Variants in P2RX5 observed in about 807,000 individuals in gnomAD.
The protein encoded by P2RX5 is P2X purinoceptor 5.
In P2RX5, 46 loss-of-function variants were observed where a neutral mutation model predicts 54.1. The observed-to-expected ratio is 0.85, with a 90% CI of 0.67 to 1.09. The LOEUF (loss-of-function observed/expected upper bound fraction) is 1.09. Ranked by LOEUF, P2RX5 falls within the 50% of genes least tolerant of loss-of-function variation. P2RX5 has a pLI of 0.00. For synonymous variants in P2RX5, 226 were observed against 226.4 expected, an observed-to-expected ratio of 1.00 and a Z score of 0.02; for missense variants, 566 against 549.8, an observed-to-expected ratio of 1.03 and a Z score of -0.29.
At chr17:3,692,212 G>C (rs1050460297) in intron 1 of P2RX5, among the ~76,000 whole-genome samples, 1 of 151,944 alleles carries the variant, frequency 6.6e-6, no homozygotes, top group Admixed American at 6.6e-5. Flanking sequence ...AGCTACTCAG[G>C]AGGCTGAGGC....
Position 3,688,000 on chromosome 17 carries a change from A to T in P2RX5, c.981+12T>A. On this transcript the variant is annotated intron_variant, in intron 9 of 11. Transcript: ENST00000225328. ...CCCCGCCCAGCCTCAGAACAGGAGA[A>T]GGCACACGCACCTTGCCGTTCACCA... is the stretch of plus-strand genomic sequence containing the variant. 7.5e-7 allele frequency: 1 copy of T among 1,339,740 alleles called. No homozygotes were observed. Among genetic ancestry groups the T allele is most frequent in the Non-Finnish European group, 1.0e-6 (1 of 961,130 alleles). 83.0% of individuals were successfully genotyped at this position (1,339,740 alleles called of 1,614,324 possible).
At chr17:3,705,133 C>T in the P2RX5 span, among the ~76,000 whole-genome samples, 3 of 152,174 alleles carry the variant, frequency 2.0e-5, no homozygotes, top group African/African-American at 7.2e-5. Flanking sequence ...CGCTGGCTTC[C>T]CCCACAGCAT....
At position 3,688,081 on chromosome 17, in the gene P2RX5, T is replaced by C; in HGVS notation, c.912A>G (p.Ala304=). 1 of 1,599,254 alleles carries C rather than the reference T, an allele frequency of 6.3e-7. No homozygotes were observed. Among genetic ancestry groups the C allele is most frequent in the Non-Finnish European group, 8.5e-7 (1 of 1,171,618 alleles). Residue 304 remains alanine, a synonymous_variant, in exon 9 of 12, where the codon GCA becomes GCG. Coordinates refer to ENST00000225328, the MANE Select transcript of P2RX5 (RefSeq NM_002561.4). ...NFRFARYYRD[A]AGVEFRTLMK... ...TCAGGGTGCGGAACTCCACCCCGGCTGCGTCTCGGTAATATCTGGCAAATC... is the reference window on the plus strand; with the variant it reads ...TCAGGGTGCGGAACTCCACCCCGGCCGCGTCTCGGTAATATCTGGCAAATC...
the P2RX5 span, among the ~76,000 whole-genome samples, chr17:3,712,353 C>T: frequency 6.6e-6 from 1 of 152,130 alleles, no homozygotes; most frequent in Non-Finnish European, 1.5e-5. Flanking sequence ...GTAACACTGG[C>T]AAGGTACGGG....
At chr17:3,685,279 A>T (rs1323023741) in intron 9 of P2RX5, among the ~76,000 whole-genome samples, 2 of 152,198 alleles carry the variant, frequency 1.3e-5, no homozygotes, top group African/African-American at 4.8e-5. Context: ...CAGAGCTACC[A>T]GCACATGCCT....
At chr17:3,680,085 T>TCCTACGTCCTCCAC (rs2050205019) in intron 10 of P2RX5, among the ~76,000 whole-genome samples, 1 of 66,256 alleles carries the variant, frequency 1.5e-5, no homozygotes, top group African/African-American at 6.1e-5. Flanking sequence ...GCTTCCTCCA[T>TCCTACGTCCTCCAC]CCTACGTCCT....
At chr17:3,681,853 C>T in intron 10 of P2RX5, 43 bp downstream of exon 10, 2 of 1,372,458 alleles carry the variant, frequency 1.5e-6, no homozygotes, top group Non-Finnish European at 1.0e-6. Context: ...GGGGGTGCTC[C>T]ACAGGGCTGC....
chr17:3,705,256 C>T, the P2RX5 span, among the ~76,000 whole-genome samples: 1 of 152,174 alleles, frequency 6.6e-6, no homozygotes, highest in African/African-American at 2.4e-5. Flanking sequence ...GTGAAACCCA[C>T]GTATCAAATA....
intron 11 of P2RX5, 152 bp downstream of exon 11, chr17:3,679,438 G>C (rs1278894766): frequency 1.0e-5 from 7 of 701,414 alleles, no homozygotes; most frequent in Non-Finnish European, 1.7e-5. Context: ...CCTTCCCACA[G>C]AGGCTCTCCC....
At chr17:3,718,072 G>C in the P2RX5 span, 1 of 152,252 alleles carries the variant, frequency 6.6e-6, no homozygotes, top group Non-Finnish European at 1.5e-5. Flanking sequence ...GAGAAGCAAG[G>C]CACCGGGTAC....
intron 1 of P2RX5, among the ~76,000 whole-genome samples, chr17:3,693,067 A>G (rs1478638315): frequency 1.3e-5 from 2 of 151,880 alleles, no homozygotes; most frequent in African/African-American, 2.4e-5. Flanking sequence ...TTATAATTTA[A>G]CAATAAAAAG....
the P2RX5 span, among the ~76,000 whole-genome samples, chr17:3,706,876 C>G: frequency 6.6e-6 from 1 of 152,222 alleles, no homozygotes; most frequent in Non-Finnish European, 1.5e-5. Context: ...TCCCAAAGTG[C>G]TGGGATTACA....
the P2RX5 span, among the ~76,000 whole-genome samples, chr17:3,720,850 T>C: frequency 6.6e-6 from 1 of 152,186 alleles, no homozygotes; most frequent in East Asian, 1.9e-4. Context: ...CCCAAAGTGC[T>C]GGGATTACAG....
chr17:3,680,865 CCTCCACCCAGT>C (rs2050254335), intron 10 of P2RX5, among the ~76,000 whole-genome samples: 1 of 145,256 alleles, frequency 6.9e-6, no homozygotes, highest in East Asian at 2.1e-4. Context: ...CACCCTGAGT[CCTCCACCCAGT>C]GTCCTCCACC....
chr17:3,691,319 A>G (rs561284364), intron 2 of P2RX5, among the ~76,000 whole-genome samples: 6 of 152,210 alleles, frequency 3.9e-5, no homozygotes, highest in Non-Finnish European at 1.5e-5. Context: ...CTGGAGAGCT[A>G]TTCCCAGAGG....
At chr17:3,706,283 C>T in the P2RX5 span, among the ~76,000 whole-genome samples, 1 of 151,860 alleles carries the variant, frequency 6.6e-6, no homozygotes, top group African/African-American at 2.4e-5. Flanking sequence ...TCTGTACAGA[C>T]AGGGTTTCGC....
intron 1 of P2RX5, among the ~76,000 whole-genome samples, chr17:3,694,363 C>T (rs2050699918): frequency 6.6e-6 from 1 of 152,124 alleles, no homozygotes; most frequent in Non-Finnish European, 1.5e-5. Context: ...ACTATCATGC[C>T]CAGCTAATTG....
chr17:3,710,447 A>T, the P2RX5 span, among the ~76,000 whole-genome samples: 96,559 of 151,096 alleles, frequency 0.64, 31,877 homozygotes, highest in African/African-American at 0.76. Context: ...ATAAATAAAT[A>T]AATTAATAAA....
the P2RX5 span, chr17:3,716,827 A>C: frequency 7.8e-7 from 1 of 1,284,292 alleles, no homozygotes; most frequent in Non-Finnish European, 1.1e-6. Flanking sequence ...TCGCCCAATA[A>C]ATCAGGTGAA....
Sources: allele counts gnomAD v4.1 joint callset (sites outside exome capture counted in the v4.1 genomes callset), GRCh38; gene constraint gnomAD v4.1.1; transcripts MANE v1.5; gene names NCBI Gene and HGNC (gene_info 2026-07-23, HGNC 2026-07-21).